GTF2IRD2: variants seen among roughly 807,000 people sequenced by gnomAD.
GTF2IRD2 encodes GTF2I repeat domain containing 2.
Under a neutral mutation model 49.2 loss-of-function variants are expected in GTF2IRD2, and 8 were observed. The ratio of observed to expected loss-of-function variants is 0.16; its 90% CI spans 0.10 to 0.29. GTF2IRD2 has a LOEUF of 0.29. Among genes scored for constraint, GTF2IRD2 ranks in the 10% least tolerant of loss-of-function variants. The pLI, the probability that GTF2IRD2 is intolerant of heterozygous loss-of-function variation, is 1.00. For synonymous variants in GTF2IRD2, 47 were observed against 289.7 expected, an observed-to-expected ratio of 0.16 and a Z score of 8.51; for missense variants, 130 against 725.7, an observed-to-expected ratio of 0.18 and a Z score of 9.43.
chr7:74,825,568 A>T (rs2131733368), intron 3 of GTF2IRD2, among the ~76,000 whole-genome samples: 1 of 140,336 alleles, frequency 7.1e-6, no homozygotes, highest in African/African-American at 2.6e-5. Context: ...TTATAACAGA[A>T]ATTTGATTTG....
At chr7:74,839,939 G>T (rs1800646990) in intron 1 of GTF2IRD2, among the ~76,000 whole-genome samples, 1 of 146,204 alleles carries the variant, frequency 6.8e-6, no homozygotes, top group Non-Finnish European at 1.5e-5. Context: ...GGCGGAGGTT[G>T]CAGTGAGCCA....
rs1554420523 is a variant in GTF2IRD2, at chr7:74,832,674, T to C, written c.238+131A>G. 7 of 1,487,354 alleles carry C rather than the reference T, an allele frequency of 4.7e-6. No individual in the cohort carries two copies. In the East Asian group the frequency reaches 1.1e-4, roughly 24 times the overall value. The allele number at this position is 1,487,354 out of a possible 1,614,324, so 92.1% of individuals were successfully genotyped here. A position where few individuals can be genotyped will look rare whatever the true frequency, so the allele number is the denominator to read the frequency against. On this transcript the variant is annotated intron_variant, in intron 3 of 15. Transcript: ENST00000451013. ...GTTAAGCAGTGTTTATTTGGTAAGC[T>C]GAATCCAAGAAGATGTGTTAGGATC...
At position 74,825,919 on chromosome 7, in the gene GTF2IRD2, G is replaced by A. The variant is rs1799345716; in HGVS notation, c.239-867C>T. 3.3e-5 allele frequency among the ~76,000 whole-genome samples: 5 copies of A among 151,654 alleles called. 1 individual carries two copies. In the South Asian group the frequency reaches 6.2e-4, roughly 19 times the overall value. On this transcript the variant is annotated intron_variant, in intron 3 of 15. Coordinates refer to ENST00000451013, the MANE Select transcript of GTF2IRD2 (RefSeq NM_173537.5). Reference sequence around the variant, plus strand: ...GGGTTCACGCCATTCTCCTGCCTCAGCCTCCTGAGTAGCTGGGACTACAGC... The same window carrying A: ...GGGTTCACGCCATTCTCCTGCCTCAACCTCCTGAGTAGCTGGGACTACAGC...
At chr7:74,841,536 T>C (rs1264219193) in intron 1 of GTF2IRD2, among the ~76,000 whole-genome samples, 1 of 135,900 alleles carries the variant, frequency 7.4e-6, no homozygotes, top group Non-Finnish European at 1.5e-5. Flanking sequence ...GGCTTGATCA[T>C]GGCTCCCTGC....
intron 3 of GTF2IRD2, among the ~76,000 whole-genome samples, chr7:74,829,887 C>CAAAAAAACAAACA (rs199938539): frequency 5.0e-5 from 3 of 59,830 alleles, no homozygotes; most frequent in African/African-American, 1.8e-4. Context: ...GATTCTGTCT[C>CAAAAAAACAAACA]AAAAAAAAAA....
chr7:74,829,998 T>C (rs1348519619), intron 3 of GTF2IRD2, among the ~76,000 whole-genome samples: 7 of 150,284 alleles, frequency 4.7e-5, no homozygotes, highest in Non-Finnish European at 7.4e-5. Flanking sequence ...AAACATATTA[T>C]AAAGTAATCA....
intron 8 of GTF2IRD2, among the ~76,000 whole-genome samples, chr7:74,818,644 C>G (rs1350080913): frequency 7.5e-6 from 1 of 133,652 alleles, no homozygotes; most frequent in Admixed American, 7.2e-5. Flanking sequence ...GAGATGAAGT[C>G]TCGCCATGTT....
intron 2 of GTF2IRD2, among the ~76,000 whole-genome samples, chr7:74,835,090 AG>A (rs2131783086): frequency 1.3e-5 from 2 of 148,196 alleles, no homozygotes; most frequent in South Asian, 4.2e-4. Flanking sequence ...TCTTCTGATC[AG>A]GTACTTTGGA....
At position 74,797,721 on chromosome 7, in the gene GTF2IRD2, C is replaced by T. The variant is rs879974784; in HGVS notation, c.1791G>A (p.Ser597=). Residue 597 remains serine (S), a synonymous_variant, in exon 16 of 16, where the codon TCG becomes TCA. Coordinates refer to ENST00000451013, the MANE Select transcript of GTF2IRD2 (RefSeq NM_173537.5). ...AGTTTTTCAGGCTTTTCTCAACACG[C>T]GAAAAGATCTCGTTGCCAGATTTTG... ...TGTKSGNEIF[S]RVEKSLKNFC... 1.9e-5 allele frequency: 30 copies of T among 1,598,860 alleles called. No homozygotes were observed. The highest frequency in any genetic ancestry group is 9.0e-5 in the East Asian group (4 of 44,374).
intron 6 of GTF2IRD2, 123 bp downstream of exon 6, chr7:74,822,304 C>A: frequency 8.1e-7 from 1 of 1,239,366 alleles, no homozygotes; most frequent in South Asian, 1.2e-5. Flanking sequence ...CCTGCCTCAG[C>A]CTCCCAAAGT....
intron 1 of GTF2IRD2, among the ~76,000 whole-genome samples, chr7:74,842,703 C>G (rs1800954355): frequency 1.4e-5 from 2 of 144,452 alleles, no homozygotes; most frequent in African/African-American, 5.4e-5. Context: ...AGATGACAGG[C>G]ATGTGCCACG....
chr7:74,796,263 G>T lies in GTF2IRD2; in HGVS notation c.*399C>A. 1 of 246,434 alleles carries T rather than the reference G, an allele frequency of 4.1e-6. No homozygotes were observed. Among genetic ancestry groups the T allele is most frequent in the South Asian group, 4.7e-5 (1 of 21,368 alleles). 15.3% of individuals were successfully genotyped at this position (246,434 alleles called of 1,614,324 possible). On this transcript the variant is annotated 3_prime_UTR_variant, in exon 16 of 16. Transcript: ENST00000451013. ...GGAAAAAAAACTGAAAAAAAAAAAA[G>T]TTTAAGAACTCATTTTGTCAGCTGG... is the stretch of plus-strand genomic sequence containing the variant.
chr7:74,797,733 G>T lies in GTF2IRD2; in HGVS notation c.1779C>A (p.Asn593Lys). 1.2e-6 allele frequency: 2 copies of T among 1,602,264 alleles called. No homozygotes were observed. The highest frequency in any genetic ancestry group is 1.7e-6 in the Non-Finnish European group (2 of 1,175,606). The change falls in exon 16 of 16, where the codon AAC becomes AAA. Residue 593 changes from asparagine to lysine, a missense_variant. Physicochemically the swap from Asn to Lys is moderately conservative, Grantham distance 94 (BLOSUM62 0). Coordinates refer to ENST00000451013, the MANE Select transcript of GTF2IRD2 (RefSeq NM_173537.5). Reference protein sequence around the residue: ...TVPMTGTKSGNEIFSRVEKSL... With the variant: ...TVPMTGTKSGKEIFSRVEKSL... ...TTTTCTCAACACGCGAAAAGATCTCGTTGCCAGATTTTGTACCCGTCATGG... is the reference window on the plus strand; with the variant it reads ...TTTTCTCAACACGCGAAAAGATCTCTTTGCCAGATTTTGTACCCGTCATGG...
intron 15 of GTF2IRD2, among the ~76,000 whole-genome samples, chr7:74,800,195 A>G (rs1273045531): frequency 7.2e-6 from 1 of 138,922 alleles, no homozygotes; most frequent in Non-Finnish European, 1.5e-5. Context: ...TTAATAGGAT[A>G]CTTTGGTTTT....
At chr7:74,815,343 C>A (rs1798408602) in intron 8 of GTF2IRD2, among the ~76,000 whole-genome samples, 1 of 79,964 alleles carries the variant, frequency 1.3e-5, no homozygotes, top group Non-Finnish European at 3.2e-5. Flanking sequence ...CCCAGCTACT[C>A]GGAAGGCTGA....
At position 74,819,900 on chromosome 7, in the gene GTF2IRD2, CCTTT is replaced by C. The variant is rs1278199917; in HGVS notation, c.626+65_626+68del. On this transcript the variant is annotated intron_variant, in intron 7 of 15. Coordinates refer to ENST00000451013, the MANE Select transcript of GTF2IRD2 (RefSeq NM_173537.5). ...ACTCCACTTAAATGCTGTAAGGAGG[CCTTT>C]CTGTCATCCAAAAACGAACGCTGTG... 99 of 1,565,048 alleles carry C rather than the reference CCTTT, an allele frequency of 6.3e-5. 5 individuals are homozygous for C. Among genetic ancestry groups the C allele is most frequent in the Non-Finnish European group, 8.2e-5 (93 of 1,139,698 alleles).
At position 74,822,820 on chromosome 7, in the gene GTF2IRD2, G is replaced by A. The variant is rs782558371; in HGVS notation, c.359-13C>T. ...CCTAAGGCTTTACCTACAAGAAGAC[G>A]CAAACGTCTTTGGATGGTGTGAACC... is the stretch of plus-strand genomic sequence containing the variant. On this transcript the variant is annotated splice_polypyrimidine_tract_variant and intron_variant, in intron 4 of 15. Coordinates refer to ENST00000451013, the MANE Select transcript of GTF2IRD2 (RefSeq NM_173537.5). 28 of 1,548,186 alleles carry A rather than the reference G, an allele frequency of 1.8e-5. No individual in the cohort carries two copies. The East Asian group carries it at 2.5e-4, about 14-fold the overall frequency.
intron 3 of GTF2IRD2, among the ~76,000 whole-genome samples, chr7:74,828,001 A>C (rs1799541484): frequency 3.5e-5 from 1 of 28,586 alleles, no homozygotes; most frequent in Non-Finnish European, 5.4e-5. Context: ...TTTTTAGTAG[A>C]GACGGGGTTT....
At chr7:74,830,069 A>G (rs1173656794) in intron 3 of GTF2IRD2, among the ~76,000 whole-genome samples, 1 of 150,158 alleles carries the variant, frequency 6.7e-6, no homozygotes, top group African/African-American at 2.4e-5. Flanking sequence ...GGAGTCCAGA[A>G]ATAAACCCTT....
Sources: allele counts gnomAD v4.1 joint callset (sites outside exome capture counted in the v4.1 genomes callset), GRCh38; gene constraint gnomAD v4.1.1; transcripts MANE v1.5; gene names NCBI Gene and HGNC (gene_info 2026-07-23, HGNC 2026-07-21).